HEMK2: variants seen among roughly 807,000 people sequenced by gnomAD.
HEMK2 encodes methyltransferase HEMK2.
the HEMK2 span, among the ~76,000 whole-genome samples, chr21:28,634,019 T>G: frequency 6.6e-5 from 10 of 152,204 alleles, no homozygotes; most frequent in Non-Finnish European, 1.3e-4. Flanking sequence ...TGTTTAATTG[T>G]TCAGCGTTTC....
At chr21:28,591,147 T>C in the HEMK2 span, among the ~76,000 whole-genome samples, 2 of 152,242 alleles carry the variant, frequency 1.3e-5, no homozygotes, top group South Asian at 2.1e-4. Context: ...GTCTATACCA[T>C]GTACTTTTTC....
At chr21:28,819,811 G>C in the HEMK2 span, among the ~76,000 whole-genome samples, 1 of 152,004 alleles carries the variant, frequency 6.6e-6, no homozygotes. Flanking sequence ...GCCTCCCAAA[G>C]TGCTGGGATT....
chr21:28,710,073 C>T, the HEMK2 span, among the ~76,000 whole-genome samples: 1 of 152,156 alleles, frequency 6.6e-6, no homozygotes, highest in African/African-American at 2.4e-5. Flanking sequence ...AGAATTCCTA[C>T]TTATGATTTC....
At chr21:28,846,462 G>T in the HEMK2 span, among the ~76,000 whole-genome samples, 14 of 152,082 alleles carry the variant, frequency 9.2e-5, no homozygotes, top group African/African-American at 2.9e-4. Flanking sequence ...AGCATCTATT[G>T]TTTTTTGACT....
chr21:28,875,951 T>C, the HEMK2 span: 1 of 153,450 alleles, frequency 6.5e-6, no homozygotes, highest in Non-Finnish European at 1.4e-5. Context: ...GTGTAATATT[T>C]TGTGGAAGGG....
chr21:28,610,248 T>C, the HEMK2 span, among the ~76,000 whole-genome samples: 2 of 152,174 alleles, frequency 1.3e-5, no homozygotes, highest in African/African-American at 4.8e-5. Flanking sequence ...GGGGTTCTAT[T>C]TTTAGCTTCC....
At chr21:28,834,314 C>T in the HEMK2 span, among the ~76,000 whole-genome samples, 1 of 152,214 alleles carries the variant, frequency 6.6e-6, no homozygotes, top group Admixed American at 6.5e-5. Flanking sequence ...ACCTGGGAGA[C>T]CCCCCAAAAC....
At chr21:28,657,067 T>A in the HEMK2 span, among the ~76,000 whole-genome samples, 1 of 152,126 alleles carries the variant, frequency 6.6e-6, no homozygotes, top group African/African-American at 2.4e-5. Flanking sequence ...TTTTTTGTCA[T>A]GCAGCATATT....
chr21:28,830,347 T>TC, the HEMK2 span, among the ~76,000 whole-genome samples: 5 of 151,812 alleles, frequency 3.3e-5, no homozygotes, highest in African/African-American at 1.2e-4. Context: ...GTGTGGCACT[T>TC]CCCCCCCTTC....
chr21:28,880,045 T>G, the HEMK2 span: 17 of 934,042 alleles, frequency 1.8e-5, no homozygotes, highest in Non-Finnish European at 2.7e-5. Flanking sequence ...CCCATGTTTT[T>G]GGGAAAATAA....
the HEMK2 span, among the ~76,000 whole-genome samples, chr21:28,706,095 T>C: frequency 6.6e-6 from 1 of 152,230 alleles, no homozygotes; most frequent in African/African-American, 2.4e-5. Flanking sequence ...GTGGTCATTA[T>C]TCTACCTACC....
chr21:28,643,990 G>A, the HEMK2 span, among the ~76,000 whole-genome samples: 1 of 152,282 alleles, frequency 6.6e-6, no homozygotes, highest in Non-Finnish European at 1.5e-5. Context: ...CATGGGCCAA[G>A]ACTCGAAGTT....
chr21:28,749,033 G>C, the HEMK2 span, among the ~76,000 whole-genome samples: 1 of 152,158 alleles, frequency 6.6e-6, no homozygotes, highest in East Asian at 1.9e-4. Flanking sequence ...TAGATCCCCA[G>C]AAGCAGAGTT....
At chr21:28,670,728 G>T in the HEMK2 span, among the ~76,000 whole-genome samples, 1 of 152,200 alleles carries the variant, frequency 6.6e-6, no homozygotes, top group Non-Finnish European at 1.5e-5. Context: ...CCACATGGCT[G>T]GGGAGGCCTC....
At chr21:28,789,188 G>A in the HEMK2 span, among the ~76,000 whole-genome samples, 32 of 152,274 alleles carry the variant, frequency 2.1e-4, no homozygotes, top group African/African-American at 7.2e-4. Flanking sequence ...GTGTAAGGAC[G>A]TCCCAGGTAA....
At chr21:28,877,482 AAGAG>A in the HEMK2 span, among the ~76,000 whole-genome samples, 28 of 151,584 alleles carry the variant, frequency 1.8e-4, no homozygotes, top group African/African-American at 6.8e-4. Context: ...AGAGAAGAGA[AAGAG>A]AAAGAAAAAG....
At chr21:28,584,697 G>A in the HEMK2 span, among the ~76,000 whole-genome samples, 1 of 152,108 alleles carries the variant, frequency 6.6e-6, no homozygotes, top group Non-Finnish European at 1.5e-5. Flanking sequence ...GGGTACTGTG[G>A]ACTAAGCCTT....
the HEMK2 span, among the ~76,000 whole-genome samples, chr21:28,633,470 T>C: frequency 6.6e-6 from 1 of 152,192 alleles, no homozygotes; most frequent in African/African-American, 2.4e-5. Flanking sequence ...ATGGCAACTT[T>C]TTTAGGGAAT....
chr21:28,857,335 C>A, the HEMK2 span, among the ~76,000 whole-genome samples: 1 of 151,830 alleles, frequency 6.6e-6, no homozygotes, highest in Non-Finnish European at 1.5e-5. Flanking sequence ...CATACAAGCA[C>A]AAAACGTATT....
Sources: gnomAD v4.1 joint callset for allele counts (sites outside exome capture counted in the v4.1 genomes callset) on GRCh38, gnomAD v4.1.1 for gene constraint, MANE v1.5 for transcripts, NCBI Gene and HGNC (gene_info 2026-07-23, HGNC 2026-07-21) for gene names.